PTBP3: variants seen among roughly 807,000 people sequenced by gnomAD.
The protein encoded by PTBP3 is polypyrimidine tract-binding protein 3.
Under a neutral mutation model 58.7 loss-of-function variants are expected in PTBP3, and 20 were observed. The ratio of observed to expected loss-of-function variants is 0.34; its 90% confidence interval spans 0.24 to 0.50. The LOEUF (loss-of-function observed/expected upper bound fraction) is 0.50, where lower values mean the gene tolerates loss of function less well. Among genes scored for constraint, PTBP3 ranks in the 20% least tolerant of loss-of-function variants. The probability of loss-of-function intolerance (pLI) is 0.98; values close to 1 mark genes in which losing one functional copy is unlikely to be tolerated. For synonymous variants in PTBP3, 185 were observed against 219.8 expected (o/e 0.84, Z 1.40); for missense variants, 509 against 637.2 (o/e 0.80, Z 2.17).
intron 1 of PTBP3, among the ~76,000 whole-genome samples, chr9:112,308,634 G>A (rs920642384): frequency 1.3e-5 from 2 of 152,080 alleles, no homozygotes; most frequent in Non-Finnish European, 2.9e-5. Context: ...AGTGAATGCA[G>A]ACGACCAAAA....
chr9:112,228,146 C>G (rs1446913129), intron 11 of PTBP3, among the ~76,000 whole-genome samples: 3 of 152,050 alleles, frequency 2.0e-5, no homozygotes, highest in Non-Finnish European at 4.4e-5. Flanking sequence ...ACCCTAGGGT[C>G]AAAGCTCTAG....
intron 1 of PTBP3, 82 bp from the exon 2 acceptor site, chr9:112,297,998 A>G (rs1828766563): frequency 1.8e-6 from 2 of 1,124,648 alleles, no homozygotes; most frequent in Non-Finnish European, 2.6e-6. Context: ...AAAAGCTAAT[A>G]ATATTACTTC....
chr9:112,368,017 C>A, the PTBP3 span, among the ~76,000 whole-genome samples: 1 of 151,964 alleles, frequency 6.6e-6, no homozygotes, highest in Non-Finnish European at 1.5e-5. Flanking sequence ...GTTGTTGAGA[C>A]GAAGTCTCAC....
intron 1 of PTBP3, among the ~76,000 whole-genome samples, chr9:112,310,747 A>G (rs1829440630): frequency 6.6e-6 from 1 of 152,268 alleles, no homozygotes; most frequent in South Asian, 2.1e-4. Context: ...AAGAATTTCA[A>G]TTTCAAATAG....
upstream of PTBP3, among the ~76,000 whole-genome samples, chr9:112,338,267 A>T (rs1830591971): frequency 6.6e-6 from 1 of 152,150 alleles, no homozygotes; most frequent in Non-Finnish European, 1.5e-5. Context: ...TGGGGTGGTT[A>T]TACAAATCTA....
At chr9:112,302,946 G>A (rs1564448120) in intron 1 of PTBP3, among the ~76,000 whole-genome samples, 2 of 152,132 alleles carry the variant, frequency 1.3e-5, no homozygotes, top group Admixed American at 1.3e-4. Context: ...GGGGAGAAAA[G>A]TAAGTTACTC....
chr9:112,342,990 G>A, the PTBP3 span, among the ~76,000 whole-genome samples: 16 of 152,060 alleles, frequency 1.1e-4, no homozygotes, highest in Non-Finnish European at 2.1e-4. Flanking sequence ...ACCATGCCCA[G>A]CATTGCCCAT....
chr9:112,239,508 T>C (rs1183327349), intron 7 of PTBP3, among the ~76,000 whole-genome samples: 1 of 151,906 alleles, frequency 6.6e-6, no homozygotes, highest in Non-Finnish European at 1.5e-5. Context: ...GGTGGGTGGG[T>C]CACTTCAGGC....
At chr9:112,264,925 A>T (rs1311768073) in intron 4 of PTBP3, among the ~76,000 whole-genome samples, 1 of 152,208 alleles carries the variant, frequency 6.6e-6, no homozygotes, top group Non-Finnish European at 1.5e-5. Flanking sequence ...CTAATGAGAA[A>T]ACTGCAGGAT....
chr9:112,326,357 AACT>A (rs1334346527), intron 1 of PTBP3, among the ~76,000 whole-genome samples: 1 of 152,226 alleles, frequency 6.6e-6, no homozygotes, highest in Non-Finnish European at 1.5e-5. Flanking sequence ...TCTCCACTAC[AACT>A]ACGACTGCCT....
rs58593707 is a variant in PTBP3 at position 112,331,126 on chromosome 9, C to CACACACACACA, written c.-52+2343_-52+2344insTGTGTGTGTGT. On this transcript the variant is annotated intron_variant, in intron 1 of 13. Transcript: ENST00000374257. ...ACACACACACACACACACACACACA[C>CACACACACACA]GAGAGACAGTTGGGATTTGAGGAGG... Among the ~76,000 whole-genome samples the CACACACACACA allele has an allele frequency of 2.7e-5, 4 of 147,582 alleles. No homozygotes were observed. The East Asian group carries it at 7.8e-4, about 29-fold the overall frequency.
At chr9:112,236,820 T>A (rs192810393) in intron 7 of PTBP3, among the ~76,000 whole-genome samples, 1 of 152,224 alleles carries the variant, frequency 6.6e-6, no homozygotes, top group East Asian at 1.9e-4. Flanking sequence ...TATTCTCGAC[T>A]CTCTGCCCCA....
rs141146042 is a variant in PTBP3, at chr9:112,290,672, TAAA to T, written c.34+7157_34+7159del. ...GGGTGACAAAGTCAGACTCTGTCTT[TAAA>T]AAAAAAAAAAAAATATATATATATA... On this transcript the variant is annotated intron_variant, in intron 2 of 13. Transcript: ENST00000374257. Among the ~76,000 whole-genome samples the T allele has an allele frequency of 5.7e-3, 300 of 52,954 alleles. 1 individual carries two copies. Among genetic ancestry groups the T allele is most frequent in the African/African-American group, 0.019 (249 of 12,978 alleles). The allele number at this position is 52,954 out of a possible 152,430, so 34.7% of individuals were successfully genotyped here.
In PTBP3 at chr9:112,220,125, C is replaced by T. The variant is rs1309783323; in HGVS notation, c.*3726G>A. The T allele has an allele frequency of 3.3e-5, 42 of 1,287,052 alleles. No homozygotes were observed. The highest frequency in any genetic ancestry group is 2.1e-4 in the Middle Eastern group (1 of 4,666). 79.7% of individuals were successfully genotyped at this position (1,287,052 alleles called of 1,614,324 possible). The stretch of plus-strand genomic sequence containing the variant: ...TTTTGGTTTTAAAAATAGCAGTACA[C>T]ATTAGGTTTTCTAAGGGATAGGTGG... On this transcript the variant is annotated 3_prime_UTR_variant, in exon 14 of 14. Transcript: ENST00000374257.
At chr9:112,375,943 G>A in the PTBP3 span, among the ~76,000 whole-genome samples, 13 of 151,994 alleles carry the variant, frequency 8.6e-5, no homozygotes, top group African/African-American at 3.1e-4. Context: ...AATCCTAGAG[G>A]CCTCCACTGT....
chr9:112,251,399 T>C (rs1836110662), intron 6 of PTBP3, among the ~76,000 whole-genome samples: 2 of 152,168 alleles, frequency 1.3e-5, no homozygotes, highest in African/African-American at 4.8e-5. Flanking sequence ...CTGTCTATCA[T>C]AGAAATGTTC....
intron 12 of PTBP3, among the ~76,000 whole-genome samples, chr9:112,225,649 C>G (rs1246822646): frequency 6.6e-6 from 1 of 152,150 alleles, no homozygotes; most frequent in Non-Finnish European, 1.5e-5. Flanking sequence ...GTGTAAAGCA[C>G]CAGTACAGTA....
intron 1 of PTBP3, among the ~76,000 whole-genome samples, chr9:112,312,433 G>C (rs1300636451): frequency 6.6e-6 from 1 of 150,682 alleles, no homozygotes; most frequent in Non-Finnish European, 1.5e-5. Flanking sequence ...GGAGATCAAG[G>C]CTGCTGTGAT....
rs1385963800 is a variant in PTBP3, at chr9:112,220,550, C to T, written c.*3301G>A. The T allele has an allele frequency of 2.0e-6, 2 of 1,006,800 alleles. No individual in the cohort carries two copies. Among genetic ancestry groups the T allele is most frequent in the African/African-American group, 3.5e-5 (2 of 57,484 alleles). 62.4% of individuals were successfully genotyped at this position (1,006,800 alleles called of 1,614,324 possible). On this transcript the variant is annotated 3_prime_UTR_variant, in exon 14 of 14. Transcript: ENST00000374257. ...TATCTCCAAAAACTGAGCTCAGCAA[C>T]TTTTAACAGTAAATCAGAAACATTA...
Sources: gnomAD v4.1 joint callset for allele counts (sites outside exome capture counted in the v4.1 genomes callset) on GRCh38, gnomAD v4.1.1 for gene constraint, MANE v1.5 for transcripts, NCBI Gene and HGNC (gene_info 2026-07-23, HGNC 2026-07-21) for gene names.